Variants in MPP7 observed in about 807,000 individuals in gnomAD.
MPP7 encodes the protein MAGUK p55 subfamily member 7.
MPP7 carries 60 observed loss-of-function variants against 76.5 expected under a neutral mutation model. The ratio of observed to expected loss-of-function variants is 0.78; its 90% CI spans 0.64 to 0.97. MPP7 has a LOEUF of 0.97. MPP7 is among the 50% of genes least tolerant of loss of function. MPP7 has a pLI of 0.00. For missense variants in MPP7, 641 were observed against 694.0 expected, an observed-to-expected ratio of 0.92 and a Z score of 0.86; for synonymous variants, 237 against 244.5, an observed-to-expected ratio of 0.97 and a Z score of 0.29.
chr10:28,287,626 C>A (rs1349121563), intron 1 of MPP7, among the ~76,000 whole-genome samples: 1 of 152,034 alleles, frequency 6.6e-6, no homozygotes, highest in Non-Finnish European at 1.5e-5. Context: ...TTTGTCCAAA[C>A]TCAACAAATT....
chr10:28,139,119 G>T (rs1345901340), intron 5 of MPP7, among the ~76,000 whole-genome samples: 4 of 152,152 alleles, frequency 2.6e-5, no homozygotes. Context: ...AAAGGGCCAG[G>T]GGAAGAAGAG....
chr10:28,258,574 A>G (rs1450271227), intron 1 of MPP7, among the ~76,000 whole-genome samples: 2 of 151,518 alleles, frequency 1.3e-5, no homozygotes, highest in East Asian at 3.9e-4. Context: ...TAATTTTTGT[A>G]TTTTTAGTAG....
chr10:28,144,134 C>T (rs1835626553), intron 5 of MPP7, among the ~76,000 whole-genome samples: 1 of 152,032 alleles, frequency 6.6e-6, no homozygotes. Context: ...GGTGATCAGC[C>T]CACCTCGGCC....
chr10:28,110,861 G>A (rs1442278912), intron 11 of MPP7, among the ~76,000 whole-genome samples: 2 of 152,046 alleles, frequency 1.3e-5, no homozygotes, highest in African/African-American at 4.8e-5. Flanking sequence ...TAAGACTACT[G>A]ACAGAATAAA....
intron 3 of MPP7, among the ~76,000 whole-genome samples, chr10:28,201,821 G>C (rs1403350861): frequency 6.6e-6 from 1 of 152,068 alleles, no homozygotes; most frequent in Non-Finnish European, 1.5e-5. Flanking sequence ...TCTAATTTTT[G>C]CTGTGAACAT....
rs1588967283 is a variant in MPP7, at chr10:28,238,637, C to G, written c.-33G>C. 2.5e-6 allele frequency: 4 copies of G among 1,613,608 alleles called. No homozygotes were observed. The highest frequency in any genetic ancestry group is 3.4e-6 in the Non-Finnish European group (4 of 1,179,634). The stretch of plus-strand genomic sequence containing the variant: ...GGTGTAGGAACAGGTCAGCCCACCG[C>G]TCTCCGGACACCCTGCCTTCGGACA... On this transcript the variant is annotated 5_prime_UTR_variant, in exon 2 of 17. Transcript: ENST00000683449.
At chr10:28,152,611 A>C (rs2133786280) in intron 3 of MPP7, among the ~76,000 whole-genome samples, 1 of 152,288 alleles carries the variant, frequency 6.6e-6, no homozygotes, top group South Asian at 2.1e-4. Context: ...TGAGCACTTG[A>C]GCTGTGGCTT....
intron 11 of MPP7, among the ~76,000 whole-genome samples, chr10:28,101,432 A>C (rs1853820016): frequency 6.6e-6 from 1 of 152,130 alleles, no homozygotes; most frequent in Non-Finnish European, 1.5e-5. Flanking sequence ...CAGAAATAAG[A>C]AACAGATTAG....
chr10:28,075,644 C>T (rs556706439), intron 12 of MPP7, among the ~76,000 whole-genome samples: 1 of 152,144 alleles, frequency 6.6e-6, no homozygotes, highest in Non-Finnish European at 1.5e-5. Flanking sequence ...GTGCTACTTG[C>T]TCTTTTATGC....
At chr10:28,268,214 C>T (rs1464522912) in intron 1 of MPP7, among the ~76,000 whole-genome samples, 2 of 152,062 alleles carry the variant, frequency 1.3e-5, no homozygotes, top group African/African-American at 4.8e-5. Context: ...AGGGAACCGC[C>T]ATGTGAGAGA....
At chr10:28,198,183 T>TA (rs1837649535) in intron 3 of MPP7, among the ~76,000 whole-genome samples, 1 of 152,204 alleles carries the variant, frequency 6.6e-6, no homozygotes, top group African/African-American at 2.4e-5. Flanking sequence ...CACAACCATT[T>TA]AAAAGGTACT....
At chr10:28,066,738 A>C (rs142974109) in intron 13 of MPP7, among the ~76,000 whole-genome samples, 259 of 152,314 alleles carry the variant, frequency 1.7e-3, no homozygotes, top group Non-Finnish European at 2.7e-3. Context: ...TGTTGCCTTT[A>C]TTGCAATTAT....
intron 6 of MPP7, 37 bp from the exon 7 acceptor site, chr10:28,125,128 T>C (rs776357252): frequency 1.3e-6 from 2 of 1,526,822 alleles, no homozygotes; most frequent in Non-Finnish European, 1.8e-6. Context: ...TGTGGGTAAA[T>C]GTGTGTACTA....
intron 3 of MPP7, among the ~76,000 whole-genome samples, chr10:28,164,902 C>G (rs901700951): frequency 6.6e-6 from 1 of 152,152 alleles, no homozygotes; most frequent in Non-Finnish European, 1.5e-5. Context: ...GCCCAGACTT[C>G]ACCACTATAC....
At chr10:28,166,813 C>T (rs1214920873) in intron 3 of MPP7, among the ~76,000 whole-genome samples, 2 of 152,104 alleles carry the variant, frequency 1.3e-5, no homozygotes, top group Non-Finnish European at 2.9e-5. Flanking sequence ...AAAATGGTAT[C>T]GAGCTGTAAG....
chr10:28,164,289 C>T (rs1185467486), intron 3 of MPP7, among the ~76,000 whole-genome samples: 1 of 152,074 alleles, frequency 6.6e-6, no homozygotes, highest in East Asian at 1.9e-4. Flanking sequence ...GGAGACCCCG[C>T]AGATGCTGGC....
intron 3 of MPP7, among the ~76,000 whole-genome samples, chr10:28,165,078 T>C (rs1836400684): frequency 6.6e-6 from 1 of 152,106 alleles, no homozygotes; most frequent in South Asian, 2.1e-4. Context: ...TGGCTCCAAA[T>C]GAACACAGAG....
chr10:28,298,128 C>G (rs185171940), intron 1 of MPP7, among the ~76,000 whole-genome samples: 33 of 152,312 alleles, frequency 2.2e-4, no homozygotes, highest in Non-Finnish European at 4.9e-4. Context: ...GAATCAACTT[C>G]TTCTAAATTC....
At chr10:28,125,843 GA>G (rs1329749609) in intron 6 of MPP7, among the ~76,000 whole-genome samples, 1 of 152,114 alleles carries the variant, frequency 6.6e-6, no homozygotes, top group East Asian at 1.9e-4. Flanking sequence ...CAGATACTCA[GA>G]AGCAAATTAA....
Sources: allele counts gnomAD v4.1 joint callset (sites outside exome capture counted in the v4.1 genomes callset), GRCh38; gene constraint gnomAD v4.1.1; transcripts MANE v1.5; gene names NCBI Gene and HGNC (gene_info 2026-07-23, HGNC 2026-07-21).